TMEM232: variants seen among roughly 807,000 people sequenced by gnomAD.
The protein encoded by TMEM232 is transmembrane protein 232.
TMEM232 carries 80 observed loss-of-function variants against 78.8 expected under a neutral mutation model. That is an observed-to-expected ratio of 1.01 (90% CI 0.85 to 1.22). TMEM232 has a LOEUF of 1.22. Among genes scored for constraint, TMEM232 ranks in the 50% most tolerant of loss-of-function variants. TMEM232 has a pLI of 0.00. For synonymous variants in TMEM232, 297 were observed against 254.3 expected (o/e 1.17, Z -1.60); for missense variants, 881 against 742.2 (o/e 1.19, Z -2.17).
chr5:110,655,082 C>T lies in TMEM232; in HGVS notation c.125+12146G>A, dbSNP rs1308421428. ...ATCTAATTAAACTAAAGAGCTTCTG[C>T]ACAGCAAAAGAAACTACCATCAGAG... is the stretch of plus-strand genomic sequence containing the variant. On this transcript the variant is annotated intron_variant, in intron 2 of 13. Transcript: ENST00000455884. Among the ~76,000 whole-genome samples, 2 of 151,912 alleles carry T rather than the reference C, an allele frequency of 1.3e-5. 1 individual carries two copies. The highest frequency in any genetic ancestry group is 4.2e-4 in the South Asian group (2 of 4,818).
intron 2 of TMEM232, among the ~76,000 whole-genome samples, chr5:110,646,112 T>A (rs1787440956): frequency 6.6e-6 from 1 of 151,674 alleles, no homozygotes; most frequent in Non-Finnish European, 1.5e-5. Context: ...TAGAAAGACA[T>A]CCTGTGTTCA....
chr5:110,661,388 G>C (rs913777264), intron 2 of TMEM232, among the ~76,000 whole-genome samples: 1 of 148,386 alleles, frequency 6.7e-6, no homozygotes, highest in Non-Finnish European at 1.5e-5. Flanking sequence ...CTTTGCTCAC[G>C]GCAATCTCTA....
chr5:110,473,214 A>C (rs1167560267), intron 12 of TMEM232, among the ~76,000 whole-genome samples: 1 of 152,000 alleles, frequency 6.6e-6, no homozygotes, highest in Admixed American at 6.6e-5. Flanking sequence ...AATAACCAGA[A>C]TATACAAGAA....
chr5:110,561,961 A>G (rs1281969453), intron 11 of TMEM232, among the ~76,000 whole-genome samples: 1 of 152,104 alleles, frequency 6.6e-6, no homozygotes, highest in Admixed American at 6.6e-5. Context: ...CCTATTATCT[A>G]AATCAAGTAA....
At chr5:110,655,792 A>G (rs1370989720) in intron 2 of TMEM232, among the ~76,000 whole-genome samples, 1 of 151,620 alleles carries the variant, frequency 6.6e-6, no homozygotes, top group African/African-American at 2.4e-5. Flanking sequence ...CATTCTCAGT[A>G]AACTATCGCA....
At chr5:110,714,253 A>G (rs926565361) in intron 1 of TMEM232, among the ~76,000 whole-genome samples, 1 of 152,182 alleles carries the variant, frequency 6.6e-6, no homozygotes, top group African/African-American at 2.4e-5. Context: ...CCATCAGATA[A>G]AACAGGATAT....
chr5:110,685,974 G>A (rs930542229), intron 1 of TMEM232, among the ~76,000 whole-genome samples: 2 of 152,122 alleles, frequency 1.3e-5, no homozygotes, highest in Admixed American at 6.6e-5. Flanking sequence ...TCTATGGGAG[G>A]TGTAAGGATT....
chr5:110,404,737 C>T lies in TMEM232; in HGVS notation n.309-6883G>A, dbSNP rs548326804. On this transcript the variant is annotated intron_variant and non_coding_transcript_variant, in intron 2 of 8. Coordinates refer to the TMEM232 transcript ENST00000507188. ...AAAAGGAATTGTAGATATAATAAAG[C>T]CTTGATGAACTGAATTCCAAAGAAA... is the stretch of plus-strand genomic sequence containing the variant. 5.3e-5 allele frequency among the ~76,000 whole-genome samples: 8 copies of T among 152,114 alleles called. No individual in the cohort carries two copies. The East Asian group carries it at 1.2e-3, about 22-fold the overall frequency.
intron 5 of TMEM232, among the ~76,000 whole-genome samples, chr5:110,633,117 A>G (rs1355495230): frequency 6.6e-6 from 1 of 152,170 alleles, no homozygotes; most frequent in Non-Finnish European, 1.5e-5. Context: ...AAAAACCCAA[A>G]GATACTATAT....
At chr5:110,707,981 A>G (rs1580745238) in intron 1 of TMEM232, among the ~76,000 whole-genome samples, 1 of 152,250 alleles carries the variant, frequency 6.6e-6, no homozygotes, top group East Asian at 1.9e-4. Flanking sequence ...CTAACTAAAG[A>G]GCCCTTGGGT....
chr5:110,693,295 C>T (rs1018477124), intron 1 of TMEM232, among the ~76,000 whole-genome samples: 2 of 152,150 alleles, frequency 1.3e-5, no homozygotes, highest in Non-Finnish European at 2.9e-5. Context: ...ACACCAAAAA[C>T]CCATCTGTAC....
chr5:110,621,533 G>C (rs1281905775), intron 7 of TMEM232, among the ~76,000 whole-genome samples: 1 of 151,994 alleles, frequency 6.6e-6, no homozygotes, highest in Non-Finnish European at 1.5e-5. Flanking sequence ...TCAGTAATTT[G>C]TCGTCATTAT....
At chr5:110,466,154 A>G (rs1364895873) in intron 12 of TMEM232, among the ~76,000 whole-genome samples, 1 of 152,202 alleles carries the variant, frequency 6.6e-6, no homozygotes, top group Non-Finnish European at 1.5e-5. Flanking sequence ...CAACTTTGAA[A>G]AATTCCCAAA....
chr5:110,521,867 T>A (rs557500788), intron 12 of TMEM232, among the ~76,000 whole-genome samples: 5 of 152,338 alleles, frequency 3.3e-5, no homozygotes, highest in African/African-American at 1.2e-4. Flanking sequence ...GGTAGCTTTG[T>A]AATGTATTTT....
At chr5:110,724,072 A>G (rs1017476192) in intron 1 of TMEM232, among the ~76,000 whole-genome samples, 4 of 152,302 alleles carry the variant, frequency 2.6e-5, no homozygotes, top group Non-Finnish European at 4.4e-5. Flanking sequence ...CAATCCTAGG[A>G]TATCTCACAC....
downstream of TMEM232, among the ~76,000 whole-genome samples, chr5:110,414,918 A>G (rs551409061): frequency 1.4e-4 from 21 of 152,232 alleles, no homozygotes; most frequent in Admixed American, 6.5e-4. Context: ...ATTTCTGTCT[A>G]TTTGGTCTTA....
At chr5:110,582,233 A>G (rs1261589504) in intron 10 of TMEM232, among the ~76,000 whole-genome samples, 1 of 151,994 alleles carries the variant, frequency 6.6e-6, no homozygotes, top group Non-Finnish European at 1.5e-5. Flanking sequence ...AGCACTATCC[A>G]TAATAGCAAA....
In TMEM232 at chr5:110,580,108, A is replaced by C. The variant is rs1030372359; in HGVS notation, c.1277-11483T>G. On this transcript the variant is annotated intron_variant, in intron 10 of 13. Transcript: ENST00000455884. ...TAATATAAAAGGATCAATCCACTAA[A>C]AAGATATAACAATTATAAATATATA... Among the ~76,000 whole-genome samples the C allele has an allele frequency of 7.9e-5, 12 of 151,916 alleles. No individual in the cohort carries two copies. In the South Asian group the frequency reaches 2.5e-3, roughly 31 times the overall value.
intron 1 of TMEM232, among the ~76,000 whole-genome samples, chr5:110,676,458 G>A (rs1252616166): frequency 4.0e-5 from 6 of 149,874 alleles, no homozygotes; most frequent in South Asian, 4.2e-4. Flanking sequence ...TGCACTGGCC[G>A]CGATCTTGGG....
Sources: allele counts gnomAD v4.1 joint callset (sites outside exome capture counted in the v4.1 genomes callset), GRCh38; gene constraint gnomAD v4.1.1; transcripts MANE v1.5; gene names NCBI Gene and HGNC (gene_info 2026-07-23, HGNC 2026-07-21).